Variants in COL26A1 observed in about 807,000 individuals in gnomAD.
COL26A1 encodes the protein collagen type XXVI alpha 1 chain, also known as collagen alpha-1(XXVI) chain.
In COL26A1, 41 loss-of-function variants were observed where a neutral mutation model predicts 59.3. That is an observed-to-expected ratio of 0.69 (90% confidence interval 0.54 to 0.90). The LOEUF is 0.90. Among genes scored for constraint, COL26A1 ranks in the 40% least tolerant of loss-of-function variants. The pLI is 0.00. For missense variants in COL26A1, 612 were observed against 602.3 expected (o/e 1.02, Z -0.17); for synonymous variants, 266 against 256.0 (o/e 1.04, Z -0.37).
At chr7:101,473,641 CACACACACACACAA>C (rs1446777489) in intron 3 of COL26A1, among the ~76,000 whole-genome samples, 37 of 140,026 alleles carry the variant, frequency 2.6e-4, no homozygotes, top group African/African-American at 9.1e-4. Context: ...CACACACACA[CACACACACACACAA>C]ACACACACAA....
intron 1 of COL26A1, among the ~76,000 whole-genome samples, chr7:101,395,750 G>A (rs1791841157): frequency 6.6e-6 from 1 of 152,150 alleles, no homozygotes; most frequent in African/African-American, 2.4e-5. Context: ...GGGGAAGGTG[G>A]CTCCTTCCAC....
At chr7:101,397,791 GCC>G in intron 1 of COL26A1, among the ~76,000 whole-genome samples, 1 of 152,048 alleles carries the variant, frequency 6.6e-6, no homozygotes, top group Non-Finnish European at 1.5e-5. Flanking sequence ...TCCCACCTCA[GCC>G]CCCCAAGGTG....
chr7:101,547,123 AC>A, intron 7 of COL26A1, 32 bp from the exon 8 acceptor site: 1 of 1,499,672 alleles, frequency 6.7e-7, no homozygotes, highest in Non-Finnish European at 9.1e-7. Flanking sequence ...GGTCTGCCCC[AC>A]CAGACCCCTG....
Position 101,489,671 on chromosome 7 carries a change from T to G in COL26A1, c.385+41884T>G, listed in dbSNP as rs1342625124. 2.5e-3 allele frequency among the ~76,000 whole-genome samples: 128 copies of G among 51,314 alleles called. 11 individuals carry two copies. Among genetic ancestry groups the G allele is most frequent in the African/African-American group, 0.014 (69 of 4,998 alleles). The allele number at this position is 51,314 out of a possible 152,430, so 33.7% of individuals were successfully genotyped here. A position where few individuals can be genotyped will look rare whatever the true frequency, so the allele number is the denominator to read the frequency against. On this transcript the variant is annotated intron_variant, in intron 3 of 12. Coordinates refer to ENST00000313669, the MANE Select transcript of COL26A1 (RefSeq NM_001278563.3). ...TTTCTTTCTTTCTTTCTTCCTTCCTTCCTTCCTTCCTTTCTTTCTTTCTTT... is the reference window on the plus strand; with the variant it reads ...TTTCTTTCTTTCTTTCTTCCTTCCTGCCTTCCTTCCTTTCTTTCTTTCTTT...
chr7:101,373,962 C>T (rs1404061332), intron 1 of COL26A1, among the ~76,000 whole-genome samples: 6 of 152,190 alleles, frequency 3.9e-5, no homozygotes, highest in South Asian at 2.1e-4. Flanking sequence ...ACTTCATTGC[C>T]ACTTCCAGAG....
chr7:101,549,287 C>G, intron 9 of COL26A1, 64 bp downstream of exon 9: 2 of 1,154,834 alleles, frequency 1.7e-6, no homozygotes, highest in Non-Finnish European at 2.5e-6. Context: ...CCTTGTCTCC[C>G]TAGGGGAGAA....
Position 101,544,043 on chromosome 7 carries a change from G to A in COL26A1, c.650G>A (p.Gly217Glu). ...TGPPGPAGPP[G>E]SKGDRGQTGE... ...CCACCAGGGCCTGCAGGCCCCCCCG[G>A]GTCTAAAGGTGACCGAGGCCAGACA... Residue 217 changes from glycine (G) to glutamate (E), a missense_variant, in exon 6 of 13, where the codon GGG (glycine) becomes GAG (glutamate). Physicochemically the swap from Gly to Glu is moderately conservative, Grantham distance 98. Transcript: ENST00000313669. 6.2e-7 allele frequency: 1 copy of A among 1,602,328 alleles called. No homozygotes were observed. The highest frequency in any genetic ancestry group is 1.7e-5 in the Admixed American group (1 of 58,432).
intron 12 of COL26A1, among the ~76,000 whole-genome samples, chr7:101,556,486 G>GATGA (rs1046782760): frequency 1.3e-4 from 20 of 152,050 alleles, no homozygotes; most frequent in African/African-American, 3.1e-4. Flanking sequence ...TGCATAGATA[G>GATGA]ATGAATGAAT....
chr7:101,396,677 G>C (rs1449305530), intron 1 of COL26A1, among the ~76,000 whole-genome samples: 2 of 152,114 alleles, frequency 1.3e-5, no homozygotes, highest in East Asian at 3.9e-4. Flanking sequence ...GGCCAGGCTG[G>C]TCTTGAACTC....
At chr7:101,374,058 TAG>T (rs769261711) in intron 1 of COL26A1, among the ~76,000 whole-genome samples, 1 of 152,152 alleles carries the variant, frequency 6.6e-6, no homozygotes, top group Non-Finnish European at 1.5e-5. Flanking sequence ...TCGGGAATGT[TAG>T]CACAAAGTGC....
rs200117030 is a variant in COL26A1 at position 101,492,699 on chromosome 7, AAAATAAATAAATAAATAAATAAATAAAT to A, written c.386-40360_386-40333del. Among the ~76,000 whole-genome samples, 10 of 141,240 alleles carry A rather than the reference AAAATAAATAAATAAATAAATAAATAAAT, an allele frequency of 7.1e-5. No individual in the cohort carries two copies. The East Asian group carries it at 8.4e-4, about 12-fold the overall frequency. The allele number at this position is 141,240 out of a possible 152,430, so 92.7% of individuals were successfully genotyped here. On this transcript the variant is annotated intron_variant, in intron 3 of 12. Coordinates refer to ENST00000313669, the MANE Select transcript of COL26A1 (RefSeq NM_001278563.3). ...GCAACAGAGCAAGACTCTGTCTCAAAAAATAAATAAATAAATAAATAAATAAATAAATAAATAAATAAATAAATAATAA... is the reference window on the plus strand; with the variant it reads ...GCAACAGAGCAAGACTCTGTCTCAAAAAATAAATAAATAAATAAATAATAA...
chr7:101,371,970 G>A (rs1344852304), intron 1 of COL26A1, among the ~76,000 whole-genome samples: 1 of 152,158 alleles, frequency 6.6e-6, no homozygotes, highest in Non-Finnish European at 1.5e-5. Context: ...TTTCTCATCT[G>A]TAAAATGGGA....
intron 1 of COL26A1, among the ~76,000 whole-genome samples, chr7:101,400,612 G>A (rs889351326): frequency 7.2e-5 from 11 of 151,868 alleles, no homozygotes; most frequent in Non-Finnish European, 1.3e-4. Flanking sequence ...AGGCTGGAGC[G>A]CAATGGTGCG....
chr7:101,522,087 C>A (rs1422103598), intron 3 of COL26A1, among the ~76,000 whole-genome samples: 1 of 152,110 alleles, frequency 6.6e-6, no homozygotes, highest in Non-Finnish European at 1.5e-5. Context: ...TTGTGCATGC[C>A]TTTCAGTGAA....
At position 101,513,068 on chromosome 7, in the gene COL26A1, A is replaced by G. The variant is rs139075927; in HGVS notation, c.386-20014A>G. Reference sequence around the variant, plus strand: ...GTCGCCCAGACTAGAGTGCAATGGCATGATTTTGGCTCACTGCAACCTCCG... The same window carrying G: ...GTCGCCCAGACTAGAGTGCAATGGCGTGATTTTGGCTCACTGCAACCTCCG... On this transcript the variant is annotated intron_variant, in intron 3 of 12. Coordinates refer to ENST00000313669, the MANE Select transcript of COL26A1 (RefSeq NM_001278563.3). Among the ~76,000 whole-genome samples the G allele has an allele frequency of 1.1e-4, 17 of 152,110 alleles. No homozygotes were observed. The East Asian group carries it at 2.3e-3, about 21-fold the overall frequency.
chr7:101,452,035 A>T (rs1294080352), intron 3 of COL26A1, among the ~76,000 whole-genome samples: 1 of 152,060 alleles, frequency 6.6e-6, no homozygotes, highest in African/African-American at 2.4e-5. Flanking sequence ...CCAGTTTTGT[A>T]TGAGTTAACA....
At position 101,461,135 on chromosome 7, in the gene COL26A1, C is replaced by T. The variant is rs1793600463; in HGVS notation, c.385+13348C>T. On this transcript the variant is annotated intron_variant, in intron 3 of 12. Transcript: ENST00000313669. ...GGACCACAGGTGCACCACACCACGC[C>T]CAGCAATTTTTTTTGTTTTGTTTTG... Among the ~76,000 whole-genome samples, 3 of 152,102 alleles carry T rather than the reference C, an allele frequency of 2.0e-5. No individual in the cohort carries two copies. The South Asian group carries it at 6.2e-4, about 32-fold the overall frequency.
At chr7:101,514,134 A>G (rs2051328393) in intron 3 of COL26A1, among the ~76,000 whole-genome samples, 4 of 152,014 alleles carry the variant, frequency 2.6e-5, no homozygotes, top group Admixed American at 2.0e-4. Context: ...TCAGGAGTTC[A>G]AGACCAGCCT....
intron 1 of COL26A1, among the ~76,000 whole-genome samples, chr7:101,376,728 C>A (rs1934807150): frequency 6.6e-6 from 1 of 152,182 alleles, no homozygotes; most frequent in Non-Finnish European, 1.5e-5. Flanking sequence ...CCCAGCTGAA[C>A]CTCAGCCACT....
Sources: allele counts gnomAD v4.1 joint callset (sites outside exome capture counted in the v4.1 genomes callset), GRCh38; gene constraint gnomAD v4.1.1; transcripts MANE v1.5; gene names NCBI Gene and HGNC (gene_info 2026-07-23, HGNC 2026-07-21).